The following P2RY11 variants were observed in gnomAD, a reference collection of about 807,000 sequenced individuals.
P2RY11 encodes P2Y purinoceptor 11.
In P2RY11, 3 loss-of-function variants were observed where a neutral mutation model predicts 2.4. The observed-to-expected ratio is 1.22, with a 90% CI of 0.56 to 3.17. The LOEUF is 3.17. Ranked by LOEUF, P2RY11 falls within the 30% of genes most tolerant of loss-of-function variation. The pLI is 0.03. For missense variants in P2RY11, 670 were observed against 528.2 expected (o/e 1.27, Z -2.63); for synonymous variants, 307 against 237.3 (o/e 1.29, Z -2.70).
Position 10,114,131 on chromosome 19 carries a change from C to T in P2RY11, c.518C>T (p.Pro173Leu), listed in dbSNP as rs746112495. The T allele has an allele frequency of 1.8e-5, 29 of 1,601,126 alleles. No individual in the cohort carries two copies. The highest frequency in any genetic ancestry group is 3.3e-4 in the Middle Eastern group (2 of 6,056). Residue 173 changes from proline (P) to leucine (L), a missense_variant, in exon 2 of 2, where the codon CCG becomes CTG. Coordinates refer to ENST00000321826, the MANE Select transcript of P2RY11 (RefSeq NM_002566.5). Reference protein sequence around the residue: ...PTLSFSHLKRPQQGAGNCSVA... With the variant: ...PTLSFSHLKRLQQGAGNCSVA... ...CTCAGCTTCTCCCACCTGAAGAGGC[C>T]GCAGCAGGGGGCGGGCAACTGCAGC...
chr19:10,114,501 G>C lies in P2RY11; in HGVS notation c.888G>C (p.Glu296Asp), dbSNP rs189865958. Residue 296 changes from glutamate (E) to aspartate (D), a missense_variant, in exon 2 of 2, where the codon GAG becomes GAC. Coordinates refer to ENST00000321826, the MANE Select transcript of P2RY11 (RefSeq NM_002566.5). ...ADIAQATAAL[E>D]LGPYVGYQVM... ...TAGCCCAGGCCACAGCAGCCCTGGA[G>C]CTGGGGCCCTACGTGGGCTACCAGG... is the stretch of plus-strand genomic sequence containing the variant. The C allele has an allele frequency of 6.2e-7, 1 of 1,610,066 alleles. No individual in the cohort carries two copies.
intron 1 of P2RY11, 127 bp from the exon 2 acceptor site, chr19:10,113,506 T>A: frequency 7.2e-7 from 1 of 1,384,124 alleles, no homozygotes; most frequent in Admixed American, 2.6e-5. Context: ...TGGAGCCCGG[T>A]CCCCCTCCAG....
rs750097274 is a variant in P2RY11 at position 10,114,684 on chromosome 19, T to C, written c.1071T>C (p.Asn357=). The change falls in exon 2 of 2, where the codon AAT becomes AAC. Residue 357 remains asparagine, a synonymous_variant. Coordinates refer to ENST00000321826, the MANE Select transcript of P2RY11 (RefSeq NM_002566.5). ...AKSTGQALPL[N]ATAAPKPSEP... Reference sequence around the variant, plus strand: ...GCACTGGCCAAGCCCTGCCCCTCAATGCCACAGCCGCCCCTAAACCGTCAG... The same window carrying C: ...GCACTGGCCAAGCCCTGCCCCTCAACGCCACAGCCGCCCCTAAACCGTCAG... The C allele has an allele frequency of 6.2e-7, 1 of 1,613,372 alleles. No homozygotes were observed. Among genetic ancestry groups the C allele is most frequent in the Admixed American group, 1.7e-5 (1 of 59,980 alleles).
Position 10,114,810 on chromosome 19 carries a change from GA to G in P2RY11, c.*73del. ...ACCCTGAGGGCAGGGCCCGAGCCCC[GA>G]CACATCCCTTCCCCCAAAAAGCAAC... On this transcript the variant is annotated 3_prime_UTR_variant, in exon 2 of 2. Coordinates refer to ENST00000321826, the MANE Select transcript of P2RY11 (RefSeq NM_002566.5). The G allele has an allele frequency of 6.5e-7, 1 of 1,528,746 alleles. No individual in the cohort carries two copies. The highest frequency in any genetic ancestry group is 8.8e-7 in the Non-Finnish European group (1 of 1,140,602). 94.7% of individuals were successfully genotyped at this position (1,528,746 alleles called of 1,614,324 possible).
At position 10,114,404 on chromosome 19, in the gene P2RY11, A is replaced by G. The variant is rs751312202; in HGVS notation, c.791A>G (p.Tyr264Cys). ...VALYASSYVP[Y>C]HIMRVLNVDA... is the part of the protein sequence containing the mutation. ...CTCTACGCCAGCTCCTATGTGCCCT[A>G]CCACATCATGCGGGTGCTCAACGTG... is the stretch of plus-strand genomic sequence containing the variant. The change falls in exon 2 of 2, where the codon TAC (tyrosine) becomes TGC (cysteine). Residue 264 changes from tyrosine to cysteine, a missense_variant. Physicochemically the swap from Tyr to Cys is radical, Grantham distance 194. Coordinates refer to ENST00000321826, the MANE Select transcript of P2RY11 (RefSeq NM_002566.5). 1.9e-6 allele frequency: 3 copies of G among 1,610,396 alleles called. No individual in the cohort carries two copies. Among genetic ancestry groups the G allele is most frequent in the Non-Finnish European group, 1.7e-6 (2 of 1,179,904 alleles).
rs751389829 is a variant in P2RY11 at position 10,114,476 on chromosome 19, T to C, written c.863T>C (p.Ile288Thr). Reference protein sequence around the residue: ...WSTRCPSFADIAQATAALELG... With the variant: ...WSTRCPSFADTAQATAALELG... The stretch of plus-strand genomic sequence containing the variant: ...ACCCGCTGCCCGAGCTTTGCAGACA[T>C]AGCCCAGGCCACAGCAGCCCTGGAG... Residue 288 changes from isoleucine to threonine, a missense_variant, in exon 2 of 2, where the codon ATA becomes ACA. Physicochemically the swap from Ile to Thr is moderately conservative, Grantham distance 89. Transcript: ENST00000321826. 98 of 1,612,070 alleles carry C rather than the reference T, an allele frequency of 6.1e-5. No individual in the cohort carries two copies. The highest frequency in any genetic ancestry group is 8.0e-5 in the Non-Finnish European group (94 of 1,179,644).
Position 10,113,680 on chromosome 19 carries a change from C to CA in P2RY11, c.67_68insA (p.Leu23HisfsTer16). The CA allele has an allele frequency of 5.0e-6, 8 of 1,597,418 alleles. No individual in the cohort carries two copies. Among genetic ancestry groups the CA allele is most frequent in the South Asian group, 2.3e-5 (2 of 88,840 alleles). The stretch of plus-strand genomic sequence containing the variant: ...CTTCTTGGCAGCTGCCGACGACAAA[C>CA]TCAGTGGGTTCCAGGGGGACTTCCT... On this transcript the variant is annotated frameshift_variant, in exon 2 of 2. Transcript: ENST00000321826. LOFTEE classifies it low-confidence loss of function (END_TRUNC).
intron 1 of P2RY11, among the ~76,000 whole-genome samples, 198 bp downstream of exon 1, chr19:10,111,938 C>T (rs576171659): frequency 6.6e-6 from 1 of 152,134 alleles, no homozygotes; most frequent in Non-Finnish European, 1.5e-5. Flanking sequence ...GGAGAAACCC[C>T]GTCTCTACTA....
chr19:10,114,447 GA>G lies in P2RY11; in HGVS notation c.835del (p.Ser279AlafsTer10). On this transcript the variant is annotated frameshift_variant, in exon 2 of 2. Transcript: ENST00000321826. LOFTEE classifies it low-confidence loss of function (END_TRUNC). Reference sequence around the variant, plus strand: ...TCAACGTGGATGCTCGGCGGCGCTGGAGCACCCGCTGCCCGAGCTTTGCAGA... The same window carrying G: ...TCAACGTGGATGCTCGGCGGCGCTGGGCACCCGCTGCCCGAGCTTTGCAGA... ...VLNVDARRRW[S>X]TRCPSFADIA... The G allele has an allele frequency of 6.2e-7, 1 of 1,611,642 alleles. No homozygotes were observed. Among genetic ancestry groups the G allele is most frequent in the East Asian group, 2.2e-5 (1 of 44,870 alleles).
rs1173217708 is a variant in P2RY11 at position 10,114,191 on chromosome 19, G to A, written c.578G>A (p.Gly193Glu). Residue 193 changes from glycine to glutamate, a missense_variant, in exon 2 of 2, where the codon GGG becomes GAG. Coordinates refer to ENST00000321826, the MANE Select transcript of P2RY11 (RefSeq NM_002566.5). ...CCCGAGGCCTGCATCAAGTGTCTGG[G>A]GACAGCAGACCACGGGCTGGCGGCC... is the stretch of plus-strand genomic sequence containing the variant. ...ARPEACIKCL[G>E]TADHGLAAYR... is the part of the protein sequence containing the mutation. The A allele has an allele frequency of 6.2e-7, 1 of 1,600,822 alleles. No homozygotes were observed. The highest frequency in any genetic ancestry group is 8.5e-7 in the Non-Finnish European group (1 of 1,179,522).
chr19:10,111,978 C>T (rs906899117), intron 1 of P2RY11: 15 of 500,346 alleles, frequency 3.0e-5, no homozygotes, highest in Non-Finnish European at 4.7e-5. Context: ...GGCCTGGTGG[C>T]ACATGCCTGT....
In P2RY11 at chr19:10,115,099, A is replaced by G. The variant is rs570896348; in HGVS notation, c.*361A>G. On this transcript the variant is annotated 3_prime_UTR_variant, in exon 2 of 2. Transcript: ENST00000321826. ...TCGCCAAGGGTCCCGGACCGAGTAC[A>G]CAGTGGCAGCTGGCTTAGTTGGTGG... 2.6e-5 allele frequency: 42 copies of G among 1,613,972 alleles called. No homozygotes were observed. Among genetic ancestry groups the G allele is most frequent in the Non-Finnish European group, 3.2e-5 (38 of 1,179,988 alleles).
chr19:10,113,827 GCAGT>G lies in P2RY11; in HGVS notation c.218_221del (p.Val73AlafsTer7), dbSNP rs1568490564. On this transcript the variant is annotated frameshift_variant, in exon 2 of 2. Transcript: ENST00000321826. LOFTEE classifies it low-confidence loss of function (END_TRUNC). ...CGCCGTGGTCTTCTCTGTCCAGCTG[GCAGT>G]CAGCGACCTGCTCTGCGCCCTGACG... The G allele has an allele frequency of 6.2e-7, 1 of 1,613,786 alleles. No individual in the cohort carries two copies. The highest frequency in any genetic ancestry group is 8.5e-7 in the Non-Finnish European group (1 of 1,179,940).
Position 10,114,261 on chromosome 19 carries a change from G to T in P2RY11, c.648G>T (p.Leu216=). 1 of 1,598,512 alleles carries T rather than the reference G, an allele frequency of 6.3e-7. No individual in the cohort carries two copies. The highest frequency in any genetic ancestry group is 8.5e-7 in the Non-Finnish European group (1 of 1,178,994). The change falls in exon 2 of 2, where the codon CTG becomes CTT. Residue 216 remains leucine, a synonymous_variant. Coordinates refer to ENST00000321826, the MANE Select transcript of P2RY11 (RefSeq NM_002566.5). ...TGCTGGCGGGGTTGGGCTGCGGCCTGCCGCTGCTGCTCACGCTGGCAGCCT... is the reference window on the plus strand; with the variant it reads ...TGCTGGCGGGGTTGGGCTGCGGCCTTCCGCTGCTGCTCACGCTGGCAGCCT... ...SLVLAGLGCG[L]PLLLTLAAYG...
rs764850726 is a variant in P2RY11, at chr19:10,114,634, A to C, written c.1021A>C (p.Ser341Arg). The change falls in exon 2 of 2, where the codon AGC (serine) becomes CGC (arginine). Residue 341 changes from serine (S) to arginine (R), a missense_variant. Coordinates refer to ENST00000321826, the MANE Select transcript of P2RY11 (RefSeq NM_002566.5). ...CCRHCPGYRDSWNPEDAKSTG... is the reference protein window; with the variant it reads ...CCRHCPGYRDRWNPEDAKSTG... ...CCGACACTGCCCCGGCTACAGGGAC[A>C]GCTGGAACCCAGAGGACGCCAAGAG... is the stretch of plus-strand genomic sequence containing the variant. 1 of 1,614,032 alleles carries C rather than the reference A, an allele frequency of 6.2e-7. No homozygotes were observed. The highest frequency in any genetic ancestry group is 8.5e-7 in the Non-Finnish European group (1 of 1,179,982).
chr19:10,113,678 AACTCAGTGGG>A lies in P2RY11; in HGVS notation c.66_75del (p.Lys22AsnfsTer56). On this transcript the variant is annotated frameshift_variant, in exon 2 of 2. Transcript: ENST00000321826. LOFTEE classifies it low-confidence loss of function (END_TRUNC). ...AACTTCTTGGCAGCTGCCGACGACA[AACTCAGTGGG>A]TTCCAGGGGGACTTCCTGTGGCCCA... 1.3e-6 allele frequency: 2 copies of A among 1,582,368 alleles called. No homozygotes were observed. Among genetic ancestry groups the A allele is most frequent in the Non-Finnish European group, 1.7e-6 (2 of 1,161,632 alleles).
chr19:10,114,049 G>A lies in P2RY11; in HGVS notation c.436G>A (p.Ala146Thr), dbSNP rs201061727. 6.7e-5 allele frequency: 107 copies of A among 1,600,704 alleles called. No homozygotes were observed. In the Middle Eastern group the frequency reaches 8.2e-4, roughly 12 times the overall value. Residue 146 changes from alanine to threonine, a missense_variant, in exon 2 of 2, where the codon GCC (alanine) becomes ACC (threonine). Transcript: ENST00000321826. ...CCGAAGCCACCTGCGACCCAAGCAC[G>A]CCTGGGCCGTGAGCGCTGCCGGCTG... is the stretch of plus-strand genomic sequence containing the variant. The part of the protein sequence containing the change: ...FARSHLRPKH[A>T]WAVSAAGWVL...
At chr19:10,112,317 G>C (rs2089115468) in intron 1 of P2RY11, 1 of 153,606 alleles carries the variant, frequency 6.5e-6, no homozygotes, top group Admixed American at 6.5e-5. Flanking sequence ...TCCTTAAGCA[G>C]GCTGGCGTTG....
At position 10,113,794 on chromosome 19, in the gene P2RY11, T is replaced by C. The variant is rs1434143276; in HGVS notation, c.181T>C (p.Trp61Arg). The C allele has an allele frequency of 2.5e-6, 4 of 1,613,832 alleles. No individual in the cohort carries two copies. The highest frequency in any genetic ancestry group is 1.3e-5 in the African/African-American group (1 of 74,902). Residue 61 changes from tryptophan (W) to arginine (R), a missense_variant, in exon 2 of 2, where the codon TGG becomes CGG. Transcript: ENST00000321826. ...CTTCAGCATCCGGAAGCAGCGCCCA[T>C]GGCACCCCGCCGTGGTCTTCTCTGT... ...YRFSIRKQRP[W>R]HPAVVFSVQL... is the part of the protein sequence containing the mutation.
Sources: allele counts gnomAD v4.1 joint callset (sites outside exome capture counted in the v4.1 genomes callset), GRCh38; gene constraint gnomAD v4.1.1; transcripts MANE v1.5; gene names NCBI Gene and HGNC (gene_info 2026-07-23, HGNC 2026-07-21).